ZNF577: variants seen among roughly 807,000 people sequenced by gnomAD.
ZNF577 encodes the protein zinc finger protein 577.
A neutral mutation model predicts 13.9 loss-of-function variants in ZNF577; 14 were observed. The ratio of observed to expected loss-of-function variants is 1.00; its 90% CI spans 0.66 to 1.57. ZNF577 has a LOEUF of 1.57. ZNF577 is among the 40% of genes most tolerant of loss of function. ZNF577 has a pLI of 0.00. For synonymous variants in ZNF577, 203 were observed against 202.9 expected (o/e 1.00, Z 0.00); for missense variants, 555 against 579.2 (o/e 0.96, Z 0.43).
chr19:51,860,266 T>C (rs886285484), intron 5 of ZNF577: 12 of 152,224 alleles, frequency 7.9e-5, no homozygotes, highest in Non-Finnish European at 1.5e-4. Context: ...ACTGCATTCA[T>C]AAAATCTCTG....
intron 5 of ZNF577, among the ~76,000 whole-genome samples, chr19:51,847,356 G>A (rs1310362543): frequency 6.6e-6 from 1 of 151,994 alleles, no homozygotes; most frequent in East Asian, 1.9e-4. Flanking sequence ...CTCTCCCGTC[G>A]ATGTCCGTGT....
chr19:51,855,117 G>T (rs1396780419), intron 5 of ZNF577, among the ~76,000 whole-genome samples: 1 of 152,058 alleles, frequency 6.6e-6, no homozygotes, highest in South Asian at 2.1e-4. Flanking sequence ...TTTTCTGATT[G>T]TGTGTCACAA....
chr19:51,850,774 T>C (rs572378742), intron 5 of ZNF577, among the ~76,000 whole-genome samples: 1 of 152,360 alleles, frequency 6.6e-6, no homozygotes, highest in East Asian at 1.9e-4. Context: ...AAGATGGTCT[T>C]GGGGACTCCC....
At chr19:51,849,060 C>A (rs2084367884) in intron 5 of ZNF577, among the ~76,000 whole-genome samples, 1 of 151,988 alleles carries the variant, frequency 6.6e-6, no homozygotes. Context: ...AAGCTGTTAC[C>A]CCCTTTTAAA....
Position 51,871,070 on chromosome 19 carries a change from T to C in ZNF577, c.*1462A>G, listed in dbSNP as rs2084651902. ...CAATATCCAGGTGCATTATGTCATA[T>C]GCATTCCGTACTCATAATGAAGTAT... On this transcript the variant is annotated 3_prime_UTR_variant, in exon 6 of 6. Transcript: ENST00000638348. Among the ~76,000 whole-genome samples the C allele has an allele frequency of 6.6e-6, 1 of 152,186 alleles. No individual in the cohort carries two copies. Among genetic ancestry groups the C allele is most frequent in the Non-Finnish European group, 1.5e-5 (1 of 68,036 alleles).
At chr19:51,810,619 C>G (rs2084089783) in intron 10 of ZNF577, among the ~76,000 whole-genome samples, 1 of 152,186 alleles carries the variant, frequency 6.6e-6, no homozygotes, top group African/African-American at 2.4e-5. Flanking sequence ...TCTGTTTAGC[C>G]TGGTCTGCAC....
At position 51,871,175 on chromosome 19, in the gene ZNF577, CTCACTGCAG is replaced by C. The variant is rs2084654091; in HGVS notation, c.*1348_*1356del. The C allele has an allele frequency of 6.6e-6, 1 of 152,166 alleles. No homozygotes were observed. The highest frequency in any genetic ancestry group is 1.5e-5 in the Non-Finnish European group (1 of 68,056). 9.4% of individuals were successfully genotyped at this position (152,166 alleles called of 1,614,324 possible). ...CTGTAGTGCAGTGGCATGATCATAGCTCACTGCAGTCACTGCAGCCTAGAACTCCTGGAC... is the reference window on the plus strand; with the variant it reads ...CTGTAGTGCAGTGGCATGATCATAGCTCACTGCAGCCTAGAACTCCTGGAC... On this transcript the variant is annotated 3_prime_UTR_variant, in exon 6 of 6. Coordinates refer to ENST00000638348, the MANE Select transcript of ZNF577 (RefSeq NM_001370449.1).
intron 10 of ZNF577, among the ~76,000 whole-genome samples, chr19:51,808,928 C>T (rs1003106349): frequency 3.9e-5 from 6 of 152,186 alleles, no homozygotes; most frequent in Middle Eastern, 3.2e-3. Context: ...TCCACCCACA[C>T]GGGTTTGTCA....
At chr19:51,885,307 G>A (rs2084926465) in intron 1 of ZNF577, among the ~76,000 whole-genome samples, 1 of 152,162 alleles carries the variant, frequency 6.6e-6, no homozygotes, top group Non-Finnish European at 1.5e-5. Flanking sequence ...AGCCGGCAGA[G>A]ACTAAAATAT....
downstream of ZNF577, among the ~76,000 whole-genome samples, chr19:51,864,259 C>G (rs941178474): frequency 6.6e-6 from 1 of 152,064 alleles, no homozygotes. Context: ...TTATATGAAG[C>G]TTTAATTACT....
intron 9 of ZNF577, chr19:51,823,683 GTTGTA>G: frequency 7.5e-7 from 1 of 1,324,734 alleles, no homozygotes. Flanking sequence ...TTAATGAATA[GTTGTA>G]TTGTAAGATG....
At chr19:51,861,421 G>C (rs914671120) in intron 5 of ZNF577, 1 of 153,410 alleles carries the variant, frequency 6.5e-6, no homozygotes, top group African/African-American at 2.4e-5. Flanking sequence ...ATGGGCCAAT[G>C]CGCCTGGCCA....
intron 8 of ZNF577, among the ~76,000 whole-genome samples, chr19:51,841,456 T>C (rs1451787570): frequency 6.6e-6 from 1 of 152,044 alleles, no homozygotes; most frequent in African/African-American, 2.4e-5. Flanking sequence ...ACAGAGAAAA[T>C]GAATCCACAT....
downstream of ZNF577, among the ~76,000 whole-genome samples, chr19:51,864,633 T>A (rs533767668): frequency 3.6e-4 from 54 of 152,042 alleles, no homozygotes; most frequent in Non-Finnish European, 6.6e-4. Flanking sequence ...TGGACTGGAT[T>A]TGTGGGATGA....
downstream of ZNF577, chr19:51,863,067 G>C (rs1300300601): frequency 1.3e-5 from 2 of 152,164 alleles, no homozygotes; most frequent in Admixed American, 6.5e-5. Context: ...GACATTGATT[G>C]CATCAGTAGG....
downstream of ZNF577, among the ~76,000 whole-genome samples, chr19:51,866,052 T>C (rs1353530263): frequency 6.6e-6 from 1 of 151,622 alleles, no homozygotes; most frequent in African/African-American, 2.4e-5. Flanking sequence ...GAGGCAGAGA[T>C]TGCAGTGAGC....
Position 51,824,707 on chromosome 19 carries a change from G to A in ZNF577, c.*600-13033C>T, listed in dbSNP as rs2084219171. ...AGACTGATTCGCTCTTTGCCCACTAGTTTGGAGAGGGCCCTGACTGAGGTC... is the reference window on the plus strand; with the variant it reads ...AGACTGATTCGCTCTTTGCCCACTAATTTGGAGAGGGCCCTGACTGAGGTC... On this transcript the variant is annotated intron_variant and NMD_transcript_variant, in intron 9 of 10. Transcript: ENST00000638827. This position sits in a 1 kb window ranked among gnomAD's most constrained non-coding sequence, Gnocchi z 4.7. 1.2e-6 allele frequency: 2 copies of A among 1,613,920 alleles called. No individual in the cohort carries two copies. Among genetic ancestry groups the A allele is most frequent in the African/African-American group, 1.3e-5 (1 of 74,884 alleles).
chr19:51,842,043 C>T (rs1201696967), intron 8 of ZNF577, among the ~76,000 whole-genome samples: 1 of 152,094 alleles, frequency 6.6e-6, no homozygotes, highest in Non-Finnish European at 1.5e-5. Context: ...TTGAAGGACA[C>T]AGGTGTCATC....
At chr19:51,878,345 C>T (rs1288798596) in intron 4 of ZNF577, 44 bp downstream of exon 4, 1 of 1,604,224 alleles carries the variant, frequency 6.2e-7, no homozygotes, top group Admixed American at 1.7e-5. Flanking sequence ...ACAGTGGTCA[C>T]CAAATAAGAA....
Sources: gnomAD v4.1 joint callset for allele counts (sites outside exome capture counted in the v4.1 genomes callset) on GRCh38, gnomAD v4.1.1 for gene constraint, Gnocchi (gnomAD v3.1) non-coding constraint, MANE v1.5 for transcripts, NCBI Gene and HGNC (gene_info 2026-07-23, HGNC 2026-07-21) for gene names.